ABCA13: variants seen among roughly 807,000 people sequenced by gnomAD.
ABCA13 encodes the protein ATP-binding cassette sub-family A member 13.
A neutral mutation model predicts 478.7 loss-of-function variants in ABCA13; 476 were observed. The observed-to-expected ratio is 0.99, with a 90% confidence interval of 0.92 to 1.07. The LOEUF is 1.07. Ranked by LOEUF, ABCA13 falls within the 50% of genes least tolerant of loss-of-function variation. The pLI, the probability that ABCA13 is intolerant of heterozygous loss-of-function variation, is 0.00. For missense variants in ABCA13, 6,060 were observed against 5,910.6 expected (o/e 1.03, Z -0.83); for synonymous variants, 2,252 against 2,158.9 (o/e 1.04, Z -1.20).
chr7:48,494,373 GT>G (rs1172487887), intron 48 of ABCA13, among the ~76,000 whole-genome samples: 1 of 152,202 alleles, frequency 6.6e-6, no homozygotes, highest in Non-Finnish European at 1.5e-5. Context: ...AGCATTGGCT[GT>G]TGGAATTCGG....
chr7:48,453,297 T>C (rs1825272440), intron 42 of ABCA13, among the ~76,000 whole-genome samples: 1 of 152,020 alleles, frequency 6.6e-6, no homozygotes, highest in African/African-American at 2.4e-5. Flanking sequence ...CCCAGGTTAA[T>C]CTGATATGCA....
chr7:48,538,101 T>C (rs1833713650), intron 55 of ABCA13, among the ~76,000 whole-genome samples: 1 of 27,088 alleles, frequency 3.7e-5, no homozygotes, highest in Non-Finnish European at 6.8e-5. Context: ...CTTTCTTTCC[T>C]TTTTTTTTTT....
At chr7:48,526,335 A>G (rs1375790387) in intron 54 of ABCA13, among the ~76,000 whole-genome samples, 1 of 152,148 alleles carries the variant, frequency 6.6e-6, no homozygotes, top group Admixed American at 6.5e-5. Context: ...TAAGAGATAA[A>G]CTTGTAAAAC....
chr7:48,298,418 T>C lies in ABCA13; in HGVS notation c.9252T>C (p.Leu3084=). 1.2e-6 allele frequency: 2 copies of C among 1,613,092 alleles called. No individual in the cohort carries two copies. Among genetic ancestry groups the C allele is most frequent in the Non-Finnish European group, 1.7e-6 (2 of 1,179,278 alleles). The change falls in exon 23 of 62, where the codon CTT becomes CTC. Residue 3084 remains leucine, a synonymous_variant. Transcript: ENST00000435803. ...ATATCACCAAGTTGACTGAGGAGCT[T>C]CGCTCTTCCATCCAAATCTCGAATG... ...MKNITKLTEE[L]RSSIQISNET...
At chr7:48,428,843 A>G (rs936415392) in intron 42 of ABCA13, among the ~76,000 whole-genome samples, 1 of 152,222 alleles carries the variant, frequency 6.6e-6, no homozygotes, top group Non-Finnish European at 1.5e-5. Context: ...GGGACCATTC[A>G]GTGGCTTTTA....
At chr7:48,231,954 G>C (rs906433932) in intron 7 of ABCA13, among the ~76,000 whole-genome samples, 6 of 151,938 alleles carry the variant, frequency 3.9e-5, no homozygotes, top group African/African-American at 1.5e-4. Flanking sequence ...GAGCCACTGC[G>C]CCCAACCCTG....
At chr7:48,477,498 C>T (rs1265554414) in intron 45 of ABCA13, among the ~76,000 whole-genome samples, 1 of 151,782 alleles carries the variant, frequency 6.6e-6, no homozygotes, top group Non-Finnish European at 1.5e-5. Flanking sequence ...CCCAAATGTC[C>T]AACAATGATA....
At chr7:48,351,616 G>A (rs1809007292) in intron 30 of ABCA13, among the ~76,000 whole-genome samples, 1 of 152,084 alleles carries the variant, frequency 6.6e-6, no homozygotes, top group Non-Finnish European at 1.5e-5. Flanking sequence ...TTGAGTTAGG[G>A]CGCACCCTAA....
chr7:48,289,941 T>A (rs1221194946), intron 20 of ABCA13, among the ~76,000 whole-genome samples: 1 of 152,170 alleles, frequency 6.6e-6, no homozygotes, highest in South Asian at 2.1e-4. Context: ...GAAATACAAA[T>A]CTTTTTCAGG....
chr7:48,257,969 G>A (rs1308575855), intron 15 of ABCA13, among the ~76,000 whole-genome samples: 1 of 152,070 alleles, frequency 6.6e-6, no homozygotes, highest in African/African-American at 2.4e-5. Flanking sequence ...TGTTGCCCAG[G>A]CTGGAGTGAA....
At chr7:48,569,066 T>C (rs1403617140) in intron 55 of ABCA13, among the ~76,000 whole-genome samples, 1 of 152,074 alleles carries the variant, frequency 6.6e-6, no homozygotes. Context: ...CCTTAAAGAA[T>C]CAAGATTTGA....
intron 41 of ABCA13, among the ~76,000 whole-genome samples, chr7:48,424,479 A>G (rs1293941340): frequency 6.6e-6 from 1 of 152,202 alleles, no homozygotes; most frequent in African/African-American, 2.4e-5. Flanking sequence ...TTCCCTCATC[A>G]ACATTATAAC....
intron 42 of ABCA13, among the ~76,000 whole-genome samples, chr7:48,453,854 C>A (rs1180014873): frequency 2.6e-5 from 4 of 152,176 alleles, no homozygotes; most frequent in Non-Finnish European, 5.9e-5. Context: ...AAGAGCCCAG[C>A]GCCTGCACAC....
rs755139506 is a variant in ABCA13, at chr7:48,275,464, A to G, written c.5798A>G (p.Asn1933Ser). 6 of 1,613,826 alleles carry G rather than the reference A, an allele frequency of 3.7e-6. No individual in the cohort carries two copies. The African/African-American group carries it at 5.3e-5, about 14-fold the overall frequency. The change falls in exon 17 of 62, where the codon AAT becomes AGT. Residue 1933 changes from asparagine to serine, a missense_variant. This residue lies in a region of ABCA13 where 4,423 missense variants were observed against 4,309.1 expected (regional missense o/e 1.03). Transcript: ENST00000435803. ...KILPFVPPSI[N>S]QTRDSISELC... ...TTACCGTTTGTCCCACCTTCAATAA[A>G]TCAAACTAGGGATAGCATCTCTGAA...
At chr7:48,623,073 C>T (rs772351828) in intron 59 of ABCA13, among the ~76,000 whole-genome samples, 11 of 152,166 alleles carry the variant, frequency 7.2e-5, no homozygotes, top group Non-Finnish European at 1.3e-4. Flanking sequence ...TCACCATTTC[C>T]GCTTCCTTCC....
chr7:48,202,642 A>G (rs1318079963), intron 3 of ABCA13, among the ~76,000 whole-genome samples: 3 of 151,674 alleles, frequency 2.0e-5, no homozygotes, highest in East Asian at 1.9e-4. Flanking sequence ...AGCTAGACAT[A>G]AAGGTTCTCC....
intron 43 of ABCA13, among the ~76,000 whole-genome samples, chr7:48,465,413 A>T (rs1826761916): frequency 6.6e-6 from 1 of 152,194 alleles, no homozygotes; most frequent in Admixed American, 6.5e-5. Flanking sequence ...TAATGCTAAT[A>T]GCAATTCAGA....
intron 59 of ABCA13, among the ~76,000 whole-genome samples, chr7:48,630,173 T>A (rs1029425427): frequency 6.6e-6 from 1 of 152,104 alleles, no homozygotes; most frequent in African/African-American, 2.4e-5. Context: ...TTTTAAAAAA[T>A]TTTAGTTTTA....
intron 24 of ABCA13, 115 bp from the exon 25 acceptor site, chr7:48,312,952 G>T: frequency 4.3e-6 from 5 of 1,152,946 alleles, no homozygotes; most frequent in Non-Finnish European, 5.8e-6. Context: ...CGTCTCTGAA[G>T]TTCAAGAGAG....
Sources: allele counts gnomAD v4.1 joint callset (sites outside exome capture counted in the v4.1 genomes callset), GRCh38; gene constraint gnomAD v4.1.1; regional missense constraint gnomAD v4.1.1; transcripts MANE v1.5; gene names NCBI Gene and HGNC (gene_info 2026-07-23, HGNC 2026-07-21).